GAN: variants seen among roughly 807,000 people sequenced by gnomAD.
GAN encodes the protein epididymis secretory sperm binding protein.
Under a neutral mutation model 71.3 loss-of-function variants are expected in GAN, and 48 were observed. That is an observed-to-expected ratio of 0.67 (90% confidence interval 0.53 to 0.86). GAN has a LOEUF of 0.86. GAN is among the 40% of genes least tolerant of loss of function. GAN has a pLI of 0.00. For synonymous variants in GAN, 386 were observed against 276.8 expected, an observed-to-expected ratio of 1.39 and a Z score of -3.92; for missense variants, 928 against 770.1, an observed-to-expected ratio of 1.21 and a Z score of -2.43.
Position 81,377,873 on chromosome 16 carries a change from G to T in GAN, c.*277G>T, listed in dbSNP as rs574375346. The T allele has an allele frequency of 2.0e-6, 1 of 493,018 alleles. No individual in the cohort carries two copies. The highest frequency in any genetic ancestry group is 1.9e-5 in the African/African-American group (1 of 51,930). The allele number at this position is 493,018 out of a possible 1,614,324, so 30.5% of individuals were successfully genotyped here. On this transcript the variant is annotated 3_prime_UTR_variant, in exon 11 of 11. Transcript: ENST00000648994. ...GCTAGTAAATATCAAAAGGAAAAGG[G>T]AGTGGGAATTGCTATCATGTAAAAT... is the stretch of plus-strand genomic sequence containing the variant.
intron 1 of GAN, among the ~76,000 whole-genome samples, chr16:81,328,733 C>T (rs1252747270): frequency 6.6e-6 from 1 of 150,544 alleles, no homozygotes; most frequent in Non-Finnish European, 1.5e-5. Flanking sequence ...TCTCAAAAAT[C>T]GTTACTTCAC....
intron 1 of GAN, among the ~76,000 whole-genome samples, chr16:81,329,915 A>C (rs1420002505): frequency 5.3e-5 from 8 of 152,154 alleles, no homozygotes; most frequent in Non-Finnish European, 1.0e-4. Context: ...AAACCCAGTC[A>C]ACCTAGCTCC....
chr16:81,376,465 A>G (rs200529225), intron 9 of GAN, among the ~76,000 whole-genome samples: 1,577 of 127,160 alleles, frequency 0.012, 15 homozygotes, highest in Non-Finnish European at 0.019. Flanking sequence ...ATACATACAT[A>G]TGTGTGTGTG....
At chr16:81,330,066 T>C (rs80341089) in intron 1 of GAN, among the ~76,000 whole-genome samples, 3,514 of 152,264 alleles carry the variant, frequency 0.023, 146 homozygotes, top group African/African-American at 0.081. Context: ...ACCTCTCGTT[T>C]CTACCTCTCA....
In GAN at chr16:81,362,730, C is replaced by T. The variant is rs942281151; in HGVS notation, c.1086+119C>T. 2.6e-5 allele frequency: 19 copies of T among 720,418 alleles called. 1 individual carries two copies. Among genetic ancestry groups the T allele is most frequent in the South Asian group, 1.2e-4 (8 of 68,220 alleles). The allele number at this position is 720,418 out of a possible 1,614,324, so 44.6% of individuals were successfully genotyped here. A position where few individuals can be genotyped will look rare whatever the true frequency, so the allele number is the denominator to read the frequency against. ...GCCTTGTCAAGCCACCTGCCTCATT[C>T]GCTCCAACCTCTCCTTCTAGTGCCC... On this transcript the variant is annotated intron_variant, in intron 6 of 10. Transcript: ENST00000648994.
At chr16:81,336,367 G>A (rs927466797) in intron 1 of GAN, among the ~76,000 whole-genome samples, 4 of 152,222 alleles carry the variant, frequency 2.6e-5, no homozygotes, top group Admixed American at 1.3e-4. Context: ...AAAGGCTTGT[G>A]TGAGACAAGG....
At chr16:81,351,933 C>T (rs930189533) in intron 2 of GAN, among the ~76,000 whole-genome samples, 1 of 152,150 alleles carries the variant, frequency 6.6e-6, no homozygotes, top group Admixed American at 6.5e-5. Flanking sequence ...TTTGTTGCTA[C>T]CATTCTGAGC....
intron 9 of GAN, among the ~76,000 whole-genome samples, chr16:81,374,650 G>T (rs1438036649): frequency 1.3e-5 from 2 of 152,154 alleles, no homozygotes; most frequent in East Asian, 3.9e-4. Context: ...CATAGTTCCA[G>T]CCTCGGCTGT....
intron 1 of GAN, among the ~76,000 whole-genome samples, chr16:81,332,951 G>T (rs184303255): frequency 6.6e-6 from 1 of 152,178 alleles, no homozygotes; most frequent in East Asian, 1.9e-4. Flanking sequence ...GTATCCACTA[G>T]GTTTAGGGCC....
intron 9 of GAN, 34 bp downstream of exon 9, chr16:81,365,512 C>G: frequency 1.2e-6 from 2 of 1,602,202 alleles, no homozygotes; most frequent in South Asian, 1.1e-5. Flanking sequence ...GCTACTGCAA[C>G]TTTTTCTTTG....
In GAN at chr16:81,379,260, T is replaced by C. The variant is rs898929292; in HGVS notation, c.*1664T>C. The C allele has an allele frequency of 2.0e-5, 3 of 152,234 alleles. No homozygotes were observed. The highest frequency in any genetic ancestry group is 4.4e-5 in the Non-Finnish European group (3 of 68,036). 9.4% of individuals were successfully genotyped at this position (152,234 alleles called of 1,614,324 possible). A position where few individuals can be genotyped will look rare whatever the true frequency, so the allele number is the denominator to read the frequency against. On this transcript the variant is annotated 3_prime_UTR_variant, in exon 11 of 11. Coordinates refer to ENST00000648994, the MANE Select transcript of GAN (RefSeq NM_022041.4). Reference sequence around the variant, plus strand: ...GGGTGACCTGTGATTTTTTTTCTTATACCTGCTGGAAGTCAGTACAATGCG... The same window carrying C: ...GGGTGACCTGTGATTTTTTTTCTTACACCTGCTGGAAGTCAGTACAATGCG...
At chr16:81,319,927 G>A (rs1187847111) in intron 1 of GAN, among the ~76,000 whole-genome samples, 1 of 152,206 alleles carries the variant, frequency 6.6e-6, no homozygotes, top group Non-Finnish European at 1.5e-5. Context: ...TGTGTTGTGA[G>A]GAGGAGGACC....
rs1904292749 is a variant in GAN at position 81,379,053 on chromosome 16, C to A, written c.*1457C>A. 6.7e-6 allele frequency: 1 copy of A among 148,184 alleles called. No individual in the cohort carries two copies. Among genetic ancestry groups the A allele is most frequent in the African/African-American group, 2.5e-5 (1 of 39,502 alleles). 9.2% of individuals were successfully genotyped at this position (148,184 alleles called of 1,614,324 possible). Reference sequence around the variant, plus strand: ...TTCTAAAAAAAAGGTTTTTTTTTTCCTTTTGGAATATGGCTGTAAGAAGCA... The same window carrying A: ...TTCTAAAAAAAAGGTTTTTTTTTTCATTTTGGAATATGGCTGTAAGAAGCA... On this transcript the variant is annotated 3_prime_UTR_variant, in exon 11 of 11. Transcript: ENST00000648994.
intron 1 of GAN, among the ~76,000 whole-genome samples, chr16:81,319,488 G>A (rs1909156759): frequency 6.6e-6 from 1 of 152,060 alleles, no homozygotes. Context: ...TATGTGAAAA[G>A]GATTTGAAAA....
chr16:81,345,406 C>G (rs185765488), intron 1 of GAN, among the ~76,000 whole-genome samples: 2 of 152,264 alleles, frequency 1.3e-5, no homozygotes, highest in South Asian at 2.1e-4. Context: ...CCATGGAATA[C>G]TATGCAGCCA....
At position 81,378,050 on chromosome 16, in the gene GAN, A is replaced by G. The variant is rs1904288231; in HGVS notation, c.*454A>G. 2 of 235,394 alleles carry G rather than the reference A, an allele frequency of 8.5e-6. No homozygotes were observed. The highest frequency in any genetic ancestry group is 1.3e-4 in the South Asian group (2 of 15,486). The allele number at this position is 235,394 out of a possible 1,614,324, so 14.6% of individuals were successfully genotyped here. On this transcript the variant is annotated 3_prime_UTR_variant, in exon 11 of 11. Coordinates refer to ENST00000648994, the MANE Select transcript of GAN (RefSeq NM_022041.4). ...AGACTGCTTTTCCACTGCACTTGGA[A>G]GGATATATTATGCCTAACCCTGCCC...
At chr16:81,376,764 G>A (rs1207778400) in intron 9 of GAN, among the ~76,000 whole-genome samples, 4 of 152,024 alleles carry the variant, frequency 2.6e-5, no homozygotes, top group Non-Finnish European at 5.9e-5. Flanking sequence ...TGTAATCTCA[G>A]CTACTTGGAA....
intron 9 of GAN, among the ~76,000 whole-genome samples, chr16:81,370,562 C>G (rs1159902765): frequency 3.3e-5 from 5 of 152,246 alleles, no homozygotes; most frequent in Admixed American, 6.5e-5. Context: ...AGTATTTTCC[C>G]CATCCCACAG....
At chr16:81,350,309 T>C (rs1910257067) in intron 1 of GAN, among the ~76,000 whole-genome samples, 1 of 152,140 alleles carries the variant, frequency 6.6e-6, no homozygotes, top group African/African-American at 2.4e-5. Flanking sequence ...CACAGTGAGA[T>C]ACCATATTTC....
Sources: allele counts gnomAD v4.1 joint callset (sites outside exome capture counted in the v4.1 genomes callset), GRCh38; gene constraint gnomAD v4.1.1; transcripts MANE v1.5; gene names NCBI Gene and HGNC (gene_info 2026-07-23, HGNC 2026-07-21).